The following GRIA1 variants were observed in gnomAD, a reference collection of about 807,000 sequenced individuals.
GRIA1 encodes the protein glutamate receptor 1.
Under a neutral mutation model 99.2 loss-of-function variants are expected in GRIA1, and 31 were observed. The observed-to-expected ratio is 0.31, with a 90% CI of 0.23 to 0.42. The LOEUF (loss-of-function observed/expected upper bound fraction) is 0.42, where lower values mean the gene tolerates loss of function less well. Ranked by LOEUF, GRIA1 falls within the 10% of genes least tolerant of loss-of-function variation. GRIA1 has a pLI of 1.00. For missense variants in GRIA1, 782 were observed against 1,157.5 expected, an observed-to-expected ratio of 0.68 and a Z score of 4.71; for synonymous variants, 438 against 432.4, an observed-to-expected ratio of 1.01 and a Z score of -0.16.
At chr5:153,656,984 C>T (rs1038188706) in intron 5 of GRIA1, among the ~76,000 whole-genome samples, 1 of 152,160 alleles carries the variant, frequency 6.6e-6, no homozygotes, top group Admixed American at 6.6e-5. Context: ...TGACTTCTTT[C>T]ACTTAGCATA....
At chr5:153,749,654 C>T (rs1273724443) in intron 11 of GRIA1, among the ~76,000 whole-genome samples, 3 of 152,216 alleles carry the variant, frequency 2.0e-5, no homozygotes, top group Non-Finnish European at 4.4e-5. Context: ...ACCCCCATGA[C>T]CCAAACACCT....
In GRIA1 at chr5:153,490,861, C is replaced by G. The variant is rs780947693; in HGVS notation, c.-28C>G. 6.5e-7 allele frequency: 1 copy of G among 1,550,218 alleles called. No individual in the cohort carries two copies. The highest frequency in any genetic ancestry group is 8.9e-7 in the Non-Finnish European group (1 of 1,121,894). On this transcript the variant is annotated 5_prime_UTR_variant, in exon 1 of 16. Transcript: ENST00000285900. ...CACCAAATCTATGATTGGACCTGGG[C>G]TTCTTTTTCGCCAATGCAAAAAGGA... is the stretch of plus-strand genomic sequence containing the variant.
At chr5:153,533,269 C>G (rs911422734) in intron 2 of GRIA1, among the ~76,000 whole-genome samples, 1 of 152,030 alleles carries the variant, frequency 6.6e-6, no homozygotes, top group African/African-American at 2.4e-5. Flanking sequence ...AAAGGCATTT[C>G]AATTCAGTCT....
At chr5:153,526,456 C>A (rs1266374015) in intron 2 of GRIA1, among the ~76,000 whole-genome samples, 1 of 152,082 alleles carries the variant, frequency 6.6e-6, no homozygotes, top group Non-Finnish European at 1.5e-5. Context: ...TGATAGATTG[C>A]AGAATGTTTG....
intron 13 of GRIA1, among the ~76,000 whole-genome samples, chr5:153,776,840 TC>T (rs35552255): frequency 6.6e-6 from 1 of 152,082 alleles, no homozygotes; most frequent in Non-Finnish European, 1.5e-5. Flanking sequence ...TAGTTGCTCA[TC>T]CCCCATACTG....
intron 2 of GRIA1, among the ~76,000 whole-genome samples, chr5:153,567,576 G>A (rs146603857): frequency 4.6e-4 from 66 of 144,014 alleles, no homozygotes; most frequent in African/African-American, 1.6e-3. Flanking sequence ...TGCTATAATC[G>A]TACAAAATAT....
At chr5:153,501,818 A>G (rs368097038) in intron 2 of GRIA1, among the ~76,000 whole-genome samples, 2 of 152,302 alleles carry the variant, frequency 1.3e-5, no homozygotes, top group East Asian at 3.9e-4. Flanking sequence ...GCCCATGGGC[A>G]TTCCTGGAGA....
intron 2 of GRIA1, among the ~76,000 whole-genome samples, chr5:153,634,077 G>T (rs1203711282): frequency 2.6e-5 from 4 of 152,156 alleles, no homozygotes; most frequent in African/African-American, 9.7e-5. Flanking sequence ...AGCATTTTGG[G>T]AGGCCGAGGC....
At chr5:153,775,232 C>T (rs548048307) in intron 13 of GRIA1, among the ~76,000 whole-genome samples, 3 of 152,286 alleles carry the variant, frequency 2.0e-5, no homozygotes, top group Admixed American at 1.3e-4. Flanking sequence ...GCTTAGCCCA[C>T]GTTTTATCAA....
chr5:153,530,097 G>A (rs566400711), intron 2 of GRIA1, among the ~76,000 whole-genome samples: 13 of 152,194 alleles, frequency 8.5e-5, no homozygotes, highest in Admixed American at 2.6e-4. Context: ...CCAGCTCTGC[G>A]GATGGTCTCA....
chr5:153,520,009 A>G (rs927272291), intron 2 of GRIA1, among the ~76,000 whole-genome samples: 5 of 152,160 alleles, frequency 3.3e-5, no homozygotes, highest in South Asian at 4.1e-4. Context: ...AAAGAGATGT[A>G]TCTGTGATTT....
chr5:153,686,178 T>C (rs1757326746), intron 7 of GRIA1, 47 bp from the exon 8 acceptor site: 1 of 1,353,036 alleles, frequency 7.4e-7, no homozygotes, highest in Non-Finnish European at 1.1e-6. Flanking sequence ...CAAACACACA[T>C]AAAGTACATC....
chr5:153,637,290 A>G (rs1753435584), intron 2 of GRIA1, among the ~76,000 whole-genome samples: 1 of 152,234 alleles, frequency 6.6e-6, no homozygotes, highest in Non-Finnish European at 1.5e-5. Flanking sequence ...CAGGTTTTGC[A>G]TATTCCAGGC....
intron 2 of GRIA1, among the ~76,000 whole-genome samples, chr5:153,554,653 C>G (rs1407650013): frequency 6.6e-6 from 1 of 152,154 alleles, no homozygotes; most frequent in Admixed American, 6.6e-5. Context: ...ACCAGCATGC[C>G]AGGCTAATTT....
chr5:153,798,480 T>C (rs1387793402), intron 14 of GRIA1, among the ~76,000 whole-genome samples: 2 of 152,084 alleles, frequency 1.3e-5, no homozygotes. Flanking sequence ...TAACAGAAAA[T>C]TGTATGGAAC....
chr5:153,744,072 T>C (rs1020594637), intron 11 of GRIA1, among the ~76,000 whole-genome samples: 1 of 152,138 alleles, frequency 6.6e-6, no homozygotes, highest in Non-Finnish European at 1.5e-5. Flanking sequence ...GAAGGTTCCT[T>C]GGTGCCTCTT....
chr5:153,586,607 T>C (rs1763505338), intron 2 of GRIA1, among the ~76,000 whole-genome samples: 1 of 152,158 alleles, frequency 6.6e-6, no homozygotes, highest in South Asian at 2.1e-4. Context: ...CCCATGACAA[T>C]GACAAATATG....
intron 2 of GRIA1, among the ~76,000 whole-genome samples, chr5:153,523,086 A>C (rs1440169282): frequency 1.4e-5 from 2 of 145,852 alleles, no homozygotes; most frequent in African/African-American, 2.6e-5. Context: ...TTATTATTAG[A>C]CCTCTCTCTT....
intron 2 of GRIA1, among the ~76,000 whole-genome samples, chr5:153,611,349 G>A (rs1696703851): frequency 6.6e-6 from 1 of 152,154 alleles, no homozygotes; most frequent in African/African-American, 2.4e-5. Flanking sequence ...CTGGAAAGCT[G>A]GTTTACTGTC....
Sources: gnomAD v4.1 joint callset for allele counts (sites outside exome capture counted in the v4.1 genomes callset) on GRCh38, gnomAD v4.1.1 for gene constraint, MANE v1.5 for transcripts, NCBI Gene and HGNC (gene_info 2026-07-23, HGNC 2026-07-21) for gene names.